Variants in LIPA observed in about 807,000 individuals in gnomAD.
The protein encoded by LIPA is lysosomal acid lipase/cholesteryl ester hydrolase.
LIPA carries 26 observed loss-of-function variants against 40.6 expected under a neutral mutation model. The ratio of observed to expected loss-of-function variants is 0.64; its 90% CI spans 0.47 to 0.89. The LOEUF (loss-of-function observed/expected upper bound fraction) is 0.89. Among genes scored for constraint, LIPA ranks in the 40% least tolerant of loss-of-function variants. The pLI is 0.00. For synonymous variants in LIPA, 188 were observed against 168.4 expected (o/e 1.12, Z -0.90); for missense variants, 455 against 479.6 (o/e 0.95, Z 0.48).
intron 1 of LIPA, chr10:89,339,420 T>G: frequency 1.2e-6 from 2 of 1,614,170 alleles, no homozygotes; most frequent in South Asian, 2.2e-5. Context: ...GAAGAAAAGG[T>G]GACCTAGACA....
At chr10:89,245,820 T>C (rs759782736) in intron 2 of LIPA, 27 bp from the exon 3 acceptor site, 15 of 1,134,848 alleles carry the variant, frequency 1.3e-5, no homozygotes, top group Non-Finnish European at 1.9e-5. Flanking sequence ...CGATGGAAAT[T>C]GGGTGGACAG....
intron 1 of LIPA, among the ~76,000 whole-genome samples, chr10:89,292,998 A>C (rs1250353678): frequency 6.6e-6 from 1 of 152,074 alleles, no homozygotes; most frequent in Non-Finnish European, 1.5e-5. Context: ...AAGGTTTCTA[A>C]TATGGTTTGG....
At chr10:89,317,173 C>A (rs1843545756) in intron 1 of LIPA, among the ~76,000 whole-genome samples, 1 of 152,358 alleles carries the variant, frequency 6.6e-6, no homozygotes, top group Admixed American at 6.5e-5. Context: ...CAAAGGAATG[C>A]AGCTGCTTGC....
intron 2 of LIPA, among the ~76,000 whole-genome samples, chr10:89,246,391 G>T (rs893458118): frequency 6.6e-6 from 1 of 152,082 alleles, no homozygotes; most frequent in Non-Finnish European, 1.5e-5. Context: ...TTATCCAGGG[G>T]ATTTAATGTA....
At chr10:89,219,307 G>C (rs1842667276) in intron 8 of LIPA, among the ~76,000 whole-genome samples, 1 of 152,072 alleles carries the variant, frequency 6.6e-6, no homozygotes, top group African/African-American at 2.4e-5. Context: ...TAGCACCTTA[G>C]GTAGGTCAGA....
chr10:89,399,156 G>A (rs1345864996), intron 2 of LIPA, among the ~76,000 whole-genome samples: 4 of 151,836 alleles, frequency 2.6e-5, no homozygotes, highest in Non-Finnish European at 5.9e-5. Flanking sequence ...ATGTTTATTG[G>A]CCATTTGTAT....
intron 8 of LIPA, among the ~76,000 whole-genome samples, chr10:89,220,983 G>A (rs1842690664): frequency 6.6e-6 from 1 of 152,046 alleles, no homozygotes; most frequent in African/African-American, 2.4e-5. Flanking sequence ...TAAACTGCAT[G>A]ACTGTTCTCA....
intron 1 of LIPA, chr10:89,307,646 G>A (rs553618007): frequency 6.1e-6 from 2 of 329,816 alleles, no homozygotes; most frequent in Admixed American, 4.4e-5. Context: ...AATTTGAACT[G>A]TAACATTTGC....
Position 89,215,983 on chromosome 10 carries a change from G to A in LIPA, c.921C>T (p.Ala307=). ...TCTTGGCACTGCTTCCCCAGTCAAA[G>A]GCTTGAAACTTTTGGAATTTAACAG... ...SQAVKFQKFQ[A]FDWGSSAKNY... is the part of the protein sequence containing the mutation. The change falls in exon 9 of 10, where the codon GCC becomes GCT. Residue 307 remains alanine, a synonymous_variant. Coordinates refer to ENST00000336233, the MANE Select transcript of LIPA (RefSeq NM_000235.4). 1 of 1,612,218 alleles carries A rather than the reference G, an allele frequency of 6.2e-7. No individual in the cohort carries two copies. Among genetic ancestry groups the A allele is most frequent in the Non-Finnish European group, 8.5e-7 (1 of 1,178,288 alleles).
intron 2 of LIPA, among the ~76,000 whole-genome samples, chr10:89,377,473 T>C (rs1844130286): frequency 6.6e-6 from 1 of 152,212 alleles, no homozygotes; most frequent in African/African-American, 2.4e-5. Flanking sequence ...GGGTTGGCAG[T>C]AATGCAAATG....
At chr10:89,233,958 C>T (rs1313930392) in intron 3 of LIPA, among the ~76,000 whole-genome samples, 1 of 152,046 alleles carries the variant, frequency 6.6e-6, no homozygotes, top group Non-Finnish European at 1.5e-5. Context: ...AGATGGGTAA[C>T]CCACACTCCC....
At chr10:89,388,773 T>C (rs959971186) in intron 2 of LIPA, among the ~76,000 whole-genome samples, 2 of 151,002 alleles carry the variant, frequency 1.3e-5, no homozygotes, top group Non-Finnish European at 2.9e-5. Context: ...TCTATAGTTG[T>C]TTCAAAATAT....
upstream of LIPA, among the ~76,000 whole-genome samples, chr10:89,253,053 A>G (rs926350332): frequency 1.3e-5 from 2 of 152,194 alleles, no homozygotes; most frequent in Non-Finnish European, 2.9e-5. Flanking sequence ...AAGTAATAGA[A>G]CATGAAGTCC....
chr10:89,406,466 C>A (rs1844533520), intron 2 of LIPA: 1 of 152,248 alleles, frequency 6.6e-6, no homozygotes, highest in Non-Finnish European at 1.5e-5. Flanking sequence ...TTCGCTCTTT[C>A]AATAAATCTT....
chr10:89,218,183 C>T (rs935390254), intron 8 of LIPA, among the ~76,000 whole-genome samples: 3 of 152,038 alleles, frequency 2.0e-5, no homozygotes, highest in Non-Finnish European at 4.4e-5. Flanking sequence ...AAAATGTAAA[C>T]GGGTTCAACT....
chr10:89,230,611 A>C (rs750767338), intron 3 of LIPA, among the ~76,000 whole-genome samples: 2 of 152,150 alleles, frequency 1.3e-5, no homozygotes, highest in Non-Finnish European at 2.9e-5. Context: ...CAGCCCGATC[A>C]TGAGTTTTAG....
At chr10:89,402,246 C>G (rs1422476851) in intron 2 of LIPA, 1 of 1,402,096 alleles carries the variant, frequency 7.1e-7, no homozygotes, top group Non-Finnish European at 9.9e-7. Context: ...AGCTGTTCCT[C>G]ACCTAACAAA....
chr10:89,384,061 C>T (rs1844184480), intron 2 of LIPA: 3 of 1,614,098 alleles, frequency 1.9e-6, no homozygotes, highest in South Asian at 2.2e-5. Flanking sequence ...TATATCTTCA[C>T]AGGCCTATGT....
chr10:89,289,761 A>G (rs925446366), intron 1 of LIPA, among the ~76,000 whole-genome samples: 5 of 152,156 alleles, frequency 3.3e-5, no homozygotes, highest in African/African-American at 1.2e-4. Context: ...GTGACAAAGT[A>G]TACTCTAATA....
Sources: allele counts gnomAD v4.1 joint callset (sites outside exome capture counted in the v4.1 genomes callset), GRCh38; gene constraint gnomAD v4.1.1; transcripts MANE v1.5; gene names NCBI Gene and HGNC (gene_info 2026-07-23, HGNC 2026-07-21).